Variants in HIP1 observed in about 807,000 individuals in gnomAD.
The protein encoded by HIP1 is huntingtin-interacting protein 1.
HIP1 carries 65 observed loss-of-function variants against 147.6 expected under a neutral mutation model. That is an observed-to-expected ratio of 0.44 (90% CI 0.36 to 0.54). The LOEUF is 0.54. Among genes scored for constraint, HIP1 ranks in the 20% least tolerant of loss-of-function variants. HIP1 has a pLI of 0.00. For missense variants in HIP1, 1,061 were observed against 1,299.6 expected (o/e 0.82, Z 2.82); for synonymous variants, 479 against 504.0 (o/e 0.95, Z 0.67).
intron 1 of HIP1, among the ~76,000 whole-genome samples, chr7:75,726,284 A>ATTTTTTTTTTTTTT (rs60658791): frequency 6.8e-6 from 1 of 147,434 alleles, no homozygotes; most frequent in Non-Finnish European, 1.5e-5. Context: ...GTGCCTGGGC[A>ATTTTTTTTTTTTTT]TTTTTTTTTT....
rs782453167 is a variant in HIP1, at chr7:75,598,949, T to C, written c.184+235A>G. Among the ~76,000 whole-genome samples the C allele has an allele frequency of 3.9e-5, 6 of 152,248 alleles. 1 individual carries two copies. Among genetic ancestry groups the C allele is most frequent in the African/African-American group, 1.4e-4 (6 of 41,550 alleles). ...GTCCTTAAGGAAAGGAGCAGGATCTTTGGCAAGTTGAAAGGCCTGGGCTCC... is the reference window on the plus strand; with the variant it reads ...GTCCTTAAGGAAAGGAGCAGGATCTCTGGCAAGTTGAAAGGCCTGGGCTCC... On this transcript the variant is annotated intron_variant, in intron 2 of 30. Coordinates refer to ENST00000336926, the MANE Select transcript of HIP1 (RefSeq NM_005338.7).
At chr7:75,547,674 C>A in intron 24 of HIP1, 81 bp downstream of exon 24, 1 of 1,194,662 alleles carries the variant, frequency 8.4e-7, no homozygotes, top group Non-Finnish European at 1.3e-6. Flanking sequence ...CTCTAATTCC[C>A]TAATAAGTAT....
intron 1 of HIP1, among the ~76,000 whole-genome samples, chr7:75,673,543 A>G (rs148412882): frequency 3.4e-4 from 51 of 152,200 alleles, no homozygotes; most frequent in African/African-American, 1.2e-3. Context: ...GGTCTTCTTT[A>G]ATTTCTTCCA....
chr7:75,611,186 G>A (rs950778209), intron 1 of HIP1, among the ~76,000 whole-genome samples: 9 of 151,668 alleles, frequency 5.9e-5, no homozygotes, highest in South Asian at 2.1e-4. Flanking sequence ...TCCCAGGTAC[G>A]CCAGGTGCGG....
In HIP1 at chr7:75,609,223, C is replaced by T. The variant is rs144241916; in HGVS notation, c.121-9976G>A. On this transcript the variant is annotated intron_variant, in intron 1 of 30. Coordinates refer to ENST00000336926, the MANE Select transcript of HIP1 (RefSeq NM_005338.7). Reference sequence around the variant, plus strand: ...GCACTGTCATCATCGTGCCCCAGTTCCCCAAGCAACACTTCATCATAGTGG... The same window carrying T: ...GCACTGTCATCATCGTGCCCCAGTTTCCCAAGCAACACTTCATCATAGTGG... Among the ~76,000 whole-genome samples, 1,269 of 152,292 alleles carry T rather than the reference C, an allele frequency of 8.3e-3. 6 individuals carry two copies. The highest frequency in any genetic ancestry group is 0.013 in the Non-Finnish European group (912 of 68,024).
chr7:75,668,695 C>T (rs1246431191), intron 1 of HIP1, among the ~76,000 whole-genome samples: 1 of 152,186 alleles, frequency 6.6e-6, no homozygotes, highest in African/African-American at 2.4e-5. Flanking sequence ...ACCATCAGCT[C>T]ACCGCTGGAC....
chr7:75,573,052 G>A (rs187841174), intron 8 of HIP1, among the ~76,000 whole-genome samples: 90 of 152,348 alleles, frequency 5.9e-4, no homozygotes, highest in South Asian at 3.1e-3. Context: ...CGGGTCCCCG[G>A]TGGGGGCCGG....
chr7:75,713,298 T>A (rs1198018871), intron 1 of HIP1, among the ~76,000 whole-genome samples: 1 of 152,172 alleles, frequency 6.6e-6, no homozygotes, highest in African/African-American at 2.4e-5. Flanking sequence ...AGATCCCATA[T>A]TATGGGTGCA....
chr7:75,557,187 C>T (rs1037461101), intron 16 of HIP1, among the ~76,000 whole-genome samples: 12 of 152,090 alleles, frequency 7.9e-5, no homozygotes, highest in South Asian at 2.1e-4. Flanking sequence ...TACGGGCACA[C>T]GCCATCACAC....
At chr7:75,559,706 C>CG in intron 14 of HIP1, 26 bp downstream of exon 14, 1 of 764,176 alleles carries the variant, frequency 1.3e-6, no homozygotes, top group Non-Finnish European at 2.0e-6. Context: ...CCCCGGGGCC[C>CG]GCCCCCGCCC....
intron 1 of HIP1, among the ~76,000 whole-genome samples, chr7:75,716,899 C>G (rs1231438465): frequency 6.6e-6 from 1 of 151,184 alleles, no homozygotes; most frequent in Admixed American, 6.6e-5. Flanking sequence ...ACTGGAGCCT[C>G]GAATCTCTCA....
At chr7:75,703,717 A>G (rs1800908247) in intron 1 of HIP1, among the ~76,000 whole-genome samples, 3 of 152,192 alleles carry the variant, frequency 2.0e-5, no homozygotes, top group Admixed American at 6.6e-5. Flanking sequence ...TTCATCTACA[A>G]TGCAGCTGGA....
At chr7:75,558,796 A>G (rs782235317) in intron 14 of HIP1, among the ~76,000 whole-genome samples, 4 of 152,100 alleles carry the variant, frequency 2.6e-5, no homozygotes, top group African/African-American at 4.8e-5. Context: ...AGGTGGGTGG[A>G]TCACCTGAGG....
intron 1 of HIP1, among the ~76,000 whole-genome samples, chr7:75,690,906 T>G (rs1372899503): frequency 6.6e-6 from 1 of 152,008 alleles, no homozygotes; most frequent in Non-Finnish European, 1.5e-5. Flanking sequence ...GACCCAGCAA[T>G]TCCACTCCTA....
At chr7:75,727,170 G>A (rs1801676591) in intron 1 of HIP1, among the ~76,000 whole-genome samples, 1 of 152,076 alleles carries the variant, frequency 6.6e-6, no homozygotes, top group Non-Finnish European at 1.5e-5. Flanking sequence ...GAGTGTAGTG[G>A]TGTGATCATG....
Position 75,606,500 on chromosome 7 carries a change from C to T in HIP1, c.121-7253G>A, listed in dbSNP as rs587614995. Among the ~76,000 whole-genome samples the T allele has an allele frequency of 4.7e-4, 72 of 151,612 alleles. 3 individuals are homozygous for T. The highest frequency in any genetic ancestry group is 3.6e-3 in the Admixed American group (54 of 15,170). On this transcript the variant is annotated intron_variant, in intron 1 of 30. Transcript: ENST00000336926. Reference sequence around the variant, plus strand: ...AGGCTGAGGCAGAATTGCTTGAACACGGGAGGTGCAGGTTGCAGTGAGCCG... The same window carrying T: ...AGGCTGAGGCAGAATTGCTTGAACATGGGAGGTGCAGGTTGCAGTGAGCCG...
chr7:75,572,416 G>A (rs1554496824), intron 8 of HIP1, among the ~76,000 whole-genome samples: 1 of 152,118 alleles, frequency 6.6e-6, no homozygotes, highest in Non-Finnish European at 1.5e-5. Flanking sequence ...GTAGATAAAT[G>A]GTCTGGAAAT....
chr7:75,570,370 C>T (rs904825489), intron 8 of HIP1, among the ~76,000 whole-genome samples: 10 of 151,008 alleles, frequency 6.6e-5, no homozygotes, highest in East Asian at 3.9e-4. Context: ...CGGCTCACTG[C>T]AAGCTCCACC....
chr7:75,686,551 G>C (rs1317019428), intron 1 of HIP1, among the ~76,000 whole-genome samples: 2 of 152,136 alleles, frequency 1.3e-5, no homozygotes, highest in African/African-American at 4.8e-5. Context: ...GAGCTTATTT[G>C]GTATTTGGGA....
Sources: gnomAD v4.1 joint callset for allele counts (sites outside exome capture counted in the v4.1 genomes callset) on GRCh38, gnomAD v4.1.1 for gene constraint, MANE v1.5 for transcripts, NCBI Gene and HGNC (gene_info 2026-07-23, HGNC 2026-07-21) for gene names.